The following RDX variants were observed in gnomAD, a reference collection of about 807,000 sequenced individuals.
RDX encodes the protein deafness, autosomal recessive 24.
Under a neutral mutation model 83.7 loss-of-function variants are expected in RDX, and 32 were observed. The ratio of observed to expected loss-of-function variants is 0.38; its 90% CI spans 0.29 to 0.51. RDX has a LOEUF of 0.51. RDX is among the 20% of genes least tolerant of loss of function. The pLI, the probability that RDX is intolerant of heterozygous loss-of-function variation, is 0.87. For missense variants in RDX, 600 were observed against 689.9 expected, an observed-to-expected ratio of 0.87 and a Z score of 1.46; for synonymous variants, 229 against 222.7, an observed-to-expected ratio of 1.03 and a Z score of -0.25.
rs978968162 is a variant in RDX at position 110,229,768 on chromosome 11, A to T, written c.*2101T>A. 1.4e-4 allele frequency: 21 copies of T among 152,608 alleles called. No individual in the cohort carries two copies. The highest frequency in any genetic ancestry group is 5.1e-4 in the African/African-American group (21 of 41,566). The allele number at this position is 152,608 out of a possible 1,614,324, so 9.5% of individuals were successfully genotyped here. On this transcript the variant is annotated 3_prime_UTR_variant, in exon 14 of 14. Coordinates refer to ENST00000645495, the MANE Select transcript of RDX (RefSeq NM_002906.4). ...CATAAACAGCAAAATATAACTGATA[A>T]TTTTTCAATACTGTATCAAACTGAT...
chr11:110,182,473 C>A (rs546986268), intron 15 of RDX, among the ~76,000 whole-genome samples: 1 of 152,212 alleles, frequency 6.6e-6, no homozygotes, highest in South Asian at 2.1e-4. Context: ...TGGTGGCACA[C>A]ACCTGTAGTC....
intron 10 of RDX, among the ~76,000 whole-genome samples, chr11:110,244,223 G>GTGGT (rs1455335216): frequency 6.6e-6 from 1 of 151,838 alleles, no homozygotes; most frequent in African/African-American, 2.4e-5. Context: ...TTAGCTGGGT[G>GTGGT]TGGTGGTGGA....
In RDX at chr11:110,254,047, T is replaced by C. The variant is rs1565316697; in HGVS notation, c.858A>G (p.Gly286=). The C allele has an allele frequency of 1.2e-6, 2 of 1,613,674 alleles. No homozygotes were observed. The change falls in exon 9 of 14, where the codon GGA becomes GGG. Residue 286 remains glycine, a synonymous_variant. Transcript: ENST00000645495. The part of the protein sequence containing the change: ...INKRILALCM[G]NHELYMRRRK... ...TTCTTCGCATGTATAGTTCATGGTT[T>C]CCCATACATAAGGCCAAAATCCGCT...
intron 14 of RDX, among the ~76,000 whole-genome samples, chr11:110,222,276 C>T (rs557225204): frequency 6.6e-6 from 1 of 152,266 alleles, no homozygotes; most frequent in African/African-American, 2.4e-5. Context: ...AATTTACATA[C>T]CTTAACCTCC....
intron 14 of RDX, among the ~76,000 whole-genome samples, chr11:110,218,632 T>C (rs1864140739): frequency 6.6e-6 from 1 of 152,236 alleles, no homozygotes; most frequent in African/African-American, 2.4e-5. Flanking sequence ...CGGTACTACC[T>C]TCTGAATCCC....
Position 110,256,136 on chromosome 11 carries a change from A to G in RDX, c.699-751T>C, listed in dbSNP as rs76443838. On this transcript the variant is annotated intron_variant, in intron 7 of 13. Transcript: ENST00000645495. The stretch of plus-strand genomic sequence containing the variant: ...CAGACTACCTATCAAATGCATCACT[A>G]TTGTCCTATTGTCCTAATAACTAAG... Among the ~76,000 whole-genome samples the G allele has an allele frequency of 2.6e-5, 4 of 152,276 alleles. No homozygotes were observed. In the East Asian group the frequency reaches 7.7e-4, roughly 29 times the overall value.
chr11:110,262,557 C>T (rs1444175735), intron 5 of RDX, among the ~76,000 whole-genome samples: 2 of 151,096 alleles, frequency 1.3e-5, no homozygotes, highest in East Asian at 3.9e-4. Context: ...CACTGCACTC[C>T]AGCCTGGGCA....
intron 15 of RDX, among the ~76,000 whole-genome samples, chr11:110,181,164 CT>C (rs34297768): frequency 0.021 from 3,005 of 142,898 alleles, 78 homozygotes; most frequent in African/African-American, 0.058. Context: ...AGGGCTGCAT[CT>C]TTTTTTTTTT....
chr11:110,178,915 C>T (rs1235216427), intron 15 of RDX, among the ~76,000 whole-genome samples: 3 of 152,222 alleles, frequency 2.0e-5, no homozygotes, highest in Non-Finnish European at 2.9e-5. Flanking sequence ...CATGTTTGTA[C>T]TCTACATTGA....
At chr11:110,259,769 G>A (rs1859726727) in intron 5 of RDX, among the ~76,000 whole-genome samples, 2 of 152,072 alleles carry the variant, frequency 1.3e-5, no homozygotes, top group African/African-American at 4.8e-5. Context: ...ATAATTATAT[G>A]CCCAATGCCA....
downstream of RDX, chr11:110,229,305 A>C (rs1864535792): frequency 6.6e-6 from 1 of 152,318 alleles, no homozygotes; most frequent in Admixed American, 6.6e-5. Flanking sequence ...TATCGGGGAA[A>C]GAGTAGATCT....
At chr11:110,178,628 G>A (rs1245501055) in intron 15 of RDX, among the ~76,000 whole-genome samples, 1 of 152,140 alleles carries the variant, frequency 6.6e-6, no homozygotes, top group African/African-American at 2.4e-5. Flanking sequence ...TAGATTTTGG[G>A]GGGCAGAAAA....
chr11:110,288,605 G>A (rs1453831157), intron 1 of RDX, among the ~76,000 whole-genome samples: 1 of 152,148 alleles, frequency 6.6e-6, no homozygotes, highest in African/African-American at 2.4e-5. Context: ...ACAGAACAAA[G>A]TCAGTATGTT....
At position 110,237,856 on chromosome 11, in the gene RDX, C is replaced by A. The variant is rs1444538824; in HGVS notation, c.1091-204G>T. ...GAAGTGCAGAAGCTCACTGCAGCCT[C>A]GAACTCATGGGCTCGAGCAATCCTC... On this transcript the variant is annotated intron_variant, in intron 10 of 13. Transcript: ENST00000645495. 12 of 642,754 alleles carry A rather than the reference C, an allele frequency of 1.9e-5. No homozygotes were observed. In the East Asian group the frequency reaches 4.0e-4, roughly 21 times the overall value. The allele number at this position is 642,754 out of a possible 1,614,324, so 39.8% of individuals were successfully genotyped here. A position where few individuals can be genotyped will look rare whatever the true frequency, so the allele number is the denominator to read the frequency against.
chr11:110,273,560 G>A (rs758177109), intron 2 of RDX, among the ~76,000 whole-genome samples: 1 of 152,206 alleles, frequency 6.6e-6, no homozygotes, highest in Non-Finnish European at 1.5e-5. Context: ...GAGCACAGGC[G>A]TGTGCCGCCA....
chr11:110,223,034 TCAA>T (rs1479260383), intron 14 of RDX, among the ~76,000 whole-genome samples: 2 of 152,106 alleles, frequency 1.3e-5, no homozygotes, highest in Non-Finnish European at 2.9e-5. Context: ...TATATGTCCT[TCAA>T]CAGCAAATGC....
chr11:110,290,075 T>A (rs575541195), intron 1 of RDX, among the ~76,000 whole-genome samples: 62 of 151,704 alleles, frequency 4.1e-4, no homozygotes, highest in African/African-American at 1.5e-3. Context: ...TCTGGTTAAC[T>A]TATTAAAAGA....
intron 10 of RDX, among the ~76,000 whole-genome samples, chr11:110,242,375 A>G (rs932938065): frequency 8.6e-5 from 13 of 151,702 alleles, no homozygotes; most frequent in African/African-American, 2.9e-4. Context: ...CAGAGGTTGC[A>G]GTGACCCGAG....
intron 2 of RDX, among the ~76,000 whole-genome samples, chr11:110,279,434 G>A (rs1860662112): frequency 1.3e-5 from 2 of 152,150 alleles, no homozygotes; most frequent in African/African-American, 2.4e-5. Context: ...GCTGAGGCAG[G>A]AGAATCACTT....
Sources: gnomAD v4.1 joint callset for allele counts (sites outside exome capture counted in the v4.1 genomes callset) on GRCh38, gnomAD v4.1.1 for gene constraint, MANE v1.5 for transcripts, NCBI Gene and HGNC (gene_info 2026-07-23, HGNC 2026-07-21) for gene names.